The following WWC2 variants were observed in gnomAD, a reference collection of about 807,000 sequenced individuals.
WWC2 encodes the protein WW and C2 domain containing 2, also known as protein WWC2.
In WWC2, 101 loss-of-function variants were observed where a neutral mutation model predicts 138.5. The ratio of observed to expected loss-of-function variants is 0.73; its 90% CI spans 0.62 to 0.86. The LOEUF (loss-of-function observed/expected upper bound fraction) is 0.86, where lower values mean the gene tolerates loss of function less well. WWC2 is among the 40% of genes least tolerant of loss of function. The probability of loss-of-function intolerance (pLI) is 0.00; values close to 1 mark genes in which losing one functional copy is unlikely to be tolerated. For missense variants in WWC2, 1,420 were observed against 1,419.4 expected (o/e 1.00, Z -0.01); for synonymous variants, 558 against 538.4 (o/e 1.04, Z -0.50).
intron 14 of WWC2, 82 bp downstream of exon 14, chr4:183,266,033 A>T: frequency 7.7e-7 from 1 of 1,307,072 alleles, no homozygotes; most frequent in Non-Finnish European, 1.1e-6. Context: ...CATACAGTTC[A>T]TCAAAATGAA....
At chr4:183,143,478 A>G (rs552004736) in intron 1 of WWC2, among the ~76,000 whole-genome samples, 2 of 152,318 alleles carry the variant, frequency 1.3e-5, no homozygotes, top group African/African-American at 4.8e-5. Context: ...TAAAGTAGTG[A>G]ACATTTTTAA....
intron 1 of WWC2, among the ~76,000 whole-genome samples, chr4:183,114,471 T>C (rs563404021): frequency 2.0e-5 from 3 of 152,282 alleles, no homozygotes; most frequent in South Asian, 2.1e-4. Context: ...ATAGAATCTT[T>C]TGTTCAGGAG....
At chr4:183,269,529 A>G in intron 15 of WWC2, 1 of 481,472 alleles carries the variant, frequency 2.1e-6, no homozygotes, top group South Asian at 1.6e-5. Flanking sequence ...TTTAATCCTC[A>G]TGACAACCTG....
intron 1 of WWC2, among the ~76,000 whole-genome samples, chr4:183,191,757 T>C (rs1412539582): frequency 1.3e-5 from 2 of 152,144 alleles, no homozygotes; most frequent in Non-Finnish European, 2.9e-5. Flanking sequence ...AGACAGGGTC[T>C]TGCTCTGTTG....
At chr4:183,255,164 C>A (rs894829522) in intron 9 of WWC2, among the ~76,000 whole-genome samples, 4 of 152,180 alleles carry the variant, frequency 2.6e-5, no homozygotes, top group Admixed American at 6.5e-5. Context: ...GAACTATAAT[C>A]TTCTGCCCTC....
intron 1 of WWC2, among the ~76,000 whole-genome samples, chr4:183,187,705 T>C (rs1347648390): frequency 2.0e-5 from 3 of 151,552 alleles, no homozygotes; most frequent in South Asian, 2.1e-4. Flanking sequence ...ACCCCATCTC[T>C]ACTAAAAATA....
At chr4:183,307,499 C>T (rs114237234) in intron 21 of WWC2, among the ~76,000 whole-genome samples, 97 of 152,304 alleles carry the variant, frequency 6.4e-4, no homozygotes, top group African/African-American at 2.3e-3. Context: ...AAGGAAACTA[C>T]AGCCCTATAT....
chr4:183,314,650 G>A (rs1739374038), intron 22 of WWC2, among the ~76,000 whole-genome samples: 1 of 152,232 alleles, frequency 6.6e-6, no homozygotes, highest in African/African-American at 2.4e-5. Flanking sequence ...ACAGTTTTCT[G>A]TGAAATATCT....
chr4:183,256,970 G>A (rs1737171086), intron 9 of WWC2, among the ~76,000 whole-genome samples: 1 of 145,672 alleles, frequency 6.9e-6, no homozygotes, highest in Non-Finnish European at 1.5e-5. Context: ...GACTGTGCTC[G>A]CCACCTGGTG....
intron 2 of WWC2, among the ~76,000 whole-genome samples, chr4:183,195,438 TC>T (rs759104871): frequency 3.3e-5 from 5 of 152,166 alleles, no homozygotes; most frequent in Non-Finnish European, 7.3e-5. Context: ...CTTCAGGGCT[TC>T]CTCCTCTTTC....
At chr4:183,300,345 T>C (rs1045223491) in intron 21 of WWC2, among the ~76,000 whole-genome samples, 15 of 149,090 alleles carry the variant, frequency 1.0e-4, no homozygotes, top group African/African-American at 3.7e-4. Context: ...GAATTTCTTT[T>C]TTTTTTTTTT....
chr4:183,216,416 A>G (rs997843026), intron 4 of WWC2, among the ~76,000 whole-genome samples: 3 of 152,232 alleles, frequency 2.0e-5, no homozygotes, highest in Non-Finnish European at 2.9e-5. Context: ...TAGGCTCAAC[A>G]AGAAGACATT....
intron 21 of WWC2, among the ~76,000 whole-genome samples, chr4:183,305,355 T>C (rs191356920): frequency 1.3e-5 from 2 of 152,122 alleles, no homozygotes; most frequent in African/African-American, 4.8e-5. Flanking sequence ...GAATAATGAC[T>C]GAGACTTTCT....
intron 1 of WWC2, among the ~76,000 whole-genome samples, chr4:183,124,083 G>C (rs1377722000): frequency 6.6e-6 from 1 of 152,246 alleles, no homozygotes; most frequent in Middle Eastern, 3.4e-3. Context: ...ATGAGATCTT[G>C]TACTTTTTCT....
chr4:183,143,128 A>G (rs1733351032), intron 1 of WWC2, among the ~76,000 whole-genome samples: 1 of 152,162 alleles, frequency 6.6e-6, no homozygotes, highest in Admixed American at 6.5e-5. Context: ...TTTTCTTTTT[A>G]AATTATGTTT....
chr4:183,238,125 C>T (rs1325872015), intron 4 of WWC2, among the ~76,000 whole-genome samples: 2 of 152,200 alleles, frequency 1.3e-5, no homozygotes, highest in East Asian at 3.8e-4. Context: ...ATTGAAGTCT[C>T]CTGGGCATCA....
chr4:183,115,672 G>T (rs934402700), intron 1 of WWC2, among the ~76,000 whole-genome samples: 1 of 152,014 alleles, frequency 6.6e-6, no homozygotes, highest in South Asian at 2.1e-4. Context: ...GTTCGTGTCC[G>T]TTGCTCATTT....
At chr4:183,235,820 A>G (rs961545336) in intron 4 of WWC2, among the ~76,000 whole-genome samples, 2 of 152,236 alleles carry the variant, frequency 1.3e-5, no homozygotes, top group Non-Finnish European at 2.9e-5. Flanking sequence ...TCTTCAAGAT[A>G]AAGAATGTCT....
intron 21 of WWC2, among the ~76,000 whole-genome samples, chr4:183,304,052 TG>T (rs1339823904): frequency 6.6e-6 from 1 of 152,154 alleles, no homozygotes; most frequent in Non-Finnish European, 1.5e-5. Context: ...TACAGGCTTC[TG>T]GTTTCTGGTC....
Sources: gnomAD v4.1 joint callset for allele counts (sites outside exome capture counted in the v4.1 genomes callset) on GRCh38, gnomAD v4.1.1 for gene constraint, MANE v1.5 for transcripts, NCBI Gene and HGNC (gene_info 2026-07-23, HGNC 2026-07-21) for gene names.